Variants in GABRB1 observed in about 807,000 individuals in gnomAD.
The protein encoded by GABRB1 is gamma-aminobutyric acid type A receptor subunit beta1.
GABRB1 carries 17 observed loss-of-function variants against 51.6 expected under a neutral mutation model. The ratio of observed to expected loss-of-function variants is 0.33; its 90% confidence interval spans 0.23 to 0.49. The LOEUF (loss-of-function observed/expected upper bound fraction) is 0.49. Among genes scored for constraint, GABRB1 ranks in the 20% least tolerant of loss-of-function variants. The probability of loss-of-function intolerance (pLI) is 0.99; values close to 1 mark genes in which losing one functional copy is unlikely to be tolerated. For missense variants in GABRB1, 410 were observed against 600.6 expected (o/e 0.68, Z 3.32); for synonymous variants, 247 against 218.9 (o/e 1.13, Z -1.14).
chr4:47,013,139 CTGTG>C (rs59902564), intron 1 of GABRB1, among the ~76,000 whole-genome samples: 5 of 149,112 alleles, frequency 3.4e-5, no homozygotes, highest in African/African-American at 7.4e-5. Flanking sequence ...AAATTGCATT[CTGTG>C]TGTGTGTGTG....
Position 47,395,844 on chromosome 4 carries a change from T to C in GABRB1, c.545-7474T>C, listed in dbSNP as rs146403936. ...ATACACCTACAAGTATATGCAAATA[T>C]GTTTCTGTTTTTCCCAGATTTTTCC... On this transcript the variant is annotated intron_variant, in intron 5 of 8. Transcript: ENST00000295454. 1.1e-3 allele frequency among the ~76,000 whole-genome samples: 175 copies of C among 152,300 alleles called. 1 individual carries two copies. The highest frequency in any genetic ancestry group is 9.3e-3 in the South Asian group (45 of 4,828).
chr4:47,279,583 G>C (rs1476930225), intron 4 of GABRB1, among the ~76,000 whole-genome samples: 1 of 152,018 alleles, frequency 6.6e-6, no homozygotes, highest in Non-Finnish European at 1.5e-5. Context: ...ATATATTTAG[G>C]TGCTGTAATG....
chr4:47,330,779 C>T (rs547223188), intron 5 of GABRB1, among the ~76,000 whole-genome samples: 77 of 152,014 alleles, frequency 5.1e-4, no homozygotes, highest in East Asian at 1.4e-3. Context: ...AATATTAATT[C>T]TAAAGTGATC....
At chr4:47,072,029 G>C (rs1471842929) in intron 3 of GABRB1, among the ~76,000 whole-genome samples, 1 of 134,834 alleles carries the variant, frequency 7.4e-6, no homozygotes, top group Admixed American at 7.3e-5. Flanking sequence ...TAATCTCTTA[G>C]TCATCAGTTA....
intron 4 of GABRB1, among the ~76,000 whole-genome samples, chr4:47,283,033 G>T (rs1173338064): frequency 6.6e-6 from 1 of 152,172 alleles, no homozygotes. Flanking sequence ...CAGGAGGTAT[G>T]GTTAAGGAAA....
At chr4:47,166,811 C>T (rs1355573564) in intron 4 of GABRB1, among the ~76,000 whole-genome samples, 1 of 152,074 alleles carries the variant, frequency 6.6e-6, no homozygotes, top group Non-Finnish European at 1.5e-5. Context: ...CGATGCCCTC[C>T]CTTCTCTGCC....
At chr4:47,296,597 A>G (rs1329448172) in intron 4 of GABRB1, among the ~76,000 whole-genome samples, 2 of 152,238 alleles carry the variant, frequency 1.3e-5, no homozygotes, top group African/African-American at 4.8e-5. Flanking sequence ...AGGAGCACCC[A>G]GATTCATAAA....
At position 47,276,097 on chromosome 4, in the gene GABRB1, C is replaced by T. The variant is rs62304008; in HGVS notation, c.462-44030C>T. 5.2e-3 allele frequency among the ~76,000 whole-genome samples: 795 copies of T among 152,168 alleles called. 7 individuals carry two copies. The highest frequency in any genetic ancestry group is 9.7e-3 in the Non-Finnish European group (661 of 67,988). On this transcript the variant is annotated intron_variant, in intron 4 of 8. Transcript: ENST00000295454. ...CCCTTTATTTGATGAGTTTTCAATA[C>T]TCGTACAGAGAAAATATTCATCAAA...
chr4:47,228,203 T>C (rs751507127), intron 4 of GABRB1, among the ~76,000 whole-genome samples: 1 of 152,142 alleles, frequency 6.6e-6, no homozygotes, highest in Non-Finnish European at 1.5e-5. Flanking sequence ...GTCCAGAATC[T>C]CATCTCAATA....
At chr4:47,381,974 C>A (rs893461891) in intron 5 of GABRB1, among the ~76,000 whole-genome samples, 1 of 152,184 alleles carries the variant, frequency 6.6e-6, no homozygotes, top group Non-Finnish European at 1.5e-5. Flanking sequence ...AGTGTGTGAC[C>A]ACATTTTTAT....
intron 3 of GABRB1, among the ~76,000 whole-genome samples, chr4:47,038,248 T>A (rs1439812275): frequency 9.2e-5 from 14 of 152,152 alleles, no homozygotes; most frequent in Admixed American, 9.2e-4. Flanking sequence ...AACATTGAAG[T>A]ACTGATTGTG....
chr4:47,139,126 T>C (rs183276990), intron 3 of GABRB1, among the ~76,000 whole-genome samples: 1 of 152,124 alleles, frequency 6.6e-6, no homozygotes, highest in East Asian at 1.9e-4. Context: ...ATCAGGACTG[T>C]GAATCTTTCT....
chr4:47,203,242 A>G (rs768662650), intron 4 of GABRB1, among the ~76,000 whole-genome samples: 10 of 152,172 alleles, frequency 6.6e-5, no homozygotes, highest in Non-Finnish European at 1.2e-4. Flanking sequence ...AGGGCATTCA[A>G]TGACTATAAA....
At chr4:47,175,413 C>T (rs1292742964) in intron 4 of GABRB1, among the ~76,000 whole-genome samples, 1 of 152,014 alleles carries the variant, frequency 6.6e-6, no homozygotes, top group South Asian at 2.1e-4. Context: ...ACAATGCACA[C>T]TATAGTTAGC....
chr4:47,315,204 C>T (rs972222801), intron 4 of GABRB1, among the ~76,000 whole-genome samples: 1 of 151,738 alleles, frequency 6.6e-6, no homozygotes, highest in African/African-American at 2.4e-5. Flanking sequence ...AAAAAATGAA[C>T]AAACCCATTA....
chr4:47,190,096 A>T (rs574565920), intron 4 of GABRB1, among the ~76,000 whole-genome samples: 1 of 152,180 alleles, frequency 6.6e-6, no homozygotes, highest in Non-Finnish European at 1.5e-5. Context: ...ATTAGAAGGA[A>T]CTTTGAATTC....
At chr4:47,240,749 T>C (rs1244940335) in intron 4 of GABRB1, among the ~76,000 whole-genome samples, 1 of 152,228 alleles carries the variant, frequency 6.6e-6, no homozygotes. Context: ...GCTATCAACC[T>C]AACAGAACTT....
chr4:47,005,630 T>G lies in GABRB1; in HGVS notation c.-20+11704T>G, dbSNP rs147017763. ...ACCATCGGCAGTCTCTCTTAACTTA[T>G]AGTCAGCTTTTTTTAAGCCTCCTGA... On this transcript the variant is annotated intron_variant, in intron 1 of 3. Coordinates refer to the GABRB1 transcript ENST00000513567. 3.7e-3 allele frequency among the ~76,000 whole-genome samples: 561 copies of G among 150,588 alleles called. 4 individuals are homozygous for G. Among genetic ancestry groups the G allele is most frequent in the Middle Eastern group, 0.014 (4 of 294 alleles).
chr4:47,104,616 C>A (rs1426385294), intron 3 of GABRB1, among the ~76,000 whole-genome samples: 1 of 151,328 alleles, frequency 6.6e-6, no homozygotes, highest in Non-Finnish European at 1.5e-5. Flanking sequence ...TTCTTTTTTG[C>A]TGTCTTACTC....
Sources: gnomAD v4.1 joint callset for allele counts (sites outside exome capture counted in the v4.1 genomes callset) on GRCh38, gnomAD v4.1.1 for gene constraint, MANE v1.5 for transcripts, NCBI Gene and HGNC (gene_info 2026-07-23, HGNC 2026-07-21) for gene names.